The following ZDHHC15 variants were observed in gnomAD, a reference collection of about 807,000 sequenced individuals.
ZDHHC15 encodes the protein zDHHC palmitoyltransferase 15.
In ZDHHC15, 19 loss-of-function variants were observed where a neutral mutation model predicts 31.7. That is an observed-to-expected ratio of 0.60 (90% CI 0.42 to 0.88). The LOEUF (loss-of-function observed/expected upper bound fraction) is 0.88. ZDHHC15 is among the 40% of genes least tolerant of loss of function. The probability of loss-of-function intolerance (pLI) is 0.00; values close to 1 mark genes in which losing one functional copy is unlikely to be tolerated. For synonymous variants in ZDHHC15, 103 were observed against 90.0 expected (o/e 1.14, Z -0.82); for missense variants, 209 against 251.2 (o/e 0.83, Z 1.14).
intron 9 of ZDHHC15, among the ~76,000 whole-genome samples, chrX:75,419,394 A>T (rs1216999072): frequency 8.9e-6 from 1 of 112,034 alleles, no homozygotes; most frequent in African/African-American, 3.2e-5. Flanking sequence ...TCAAAACCAC[A>T]ATGAGTACCA....
At position 75,437,609 on chromosome X, in the gene ZDHHC15, T is replaced by C. The variant is rs753328910; in HGVS notation, c.380-6089A>G. On this transcript the variant is annotated intron_variant, in intron 4 of 11. Transcript: ENST00000373367. ...ATTTCATCCATGTCCCTACAAAGGA[T>C]ATGAACTCATCATTTTTTATGGCTG... Among the ~76,000 whole-genome samples, 572 of 103,976 alleles carry C rather than the reference T, an allele frequency of 5.5e-3. 5 individuals are homozygous for C. Among genetic ancestry groups the C allele is most frequent in the African/African-American group, 0.019 (523 of 28,171 alleles). 90.3% of individuals were successfully genotyped at this position (103,976 alleles called of 115,157 possible).
rs763761346 is a variant in ZDHHC15 at position 75,502,685 on chromosome X, A to G, written c.163+3136T>C. Among the ~76,000 whole-genome samples, 8 of 110,867 alleles carry G rather than the reference A, an allele frequency of 7.2e-5. No individual in the cohort carries two copies. The South Asian group carries it at 2.3e-3, about 32-fold the overall frequency. ...TCATTCCTAAATTTATCTCTTAATC[A>G]TCACCTCATCCCTGGACTCTACTAA... On this transcript the variant is annotated intron_variant, in intron 2 of 11. Transcript: ENST00000373367.
At chrX:75,481,591 G>A (rs746350568) in intron 2 of ZDHHC15, among the ~76,000 whole-genome samples, 1 of 111,757 alleles carries the variant, frequency 8.9e-6, no homozygotes, top group African/African-American at 3.3e-5. Flanking sequence ...TCTATAAACC[G>A]GTAAAATAGG....
At position 75,450,876 on chromosome X, in the gene ZDHHC15, C is replaced by T. The variant is rs775570770; in HGVS notation, c.305G>A (p.Arg102Lys). Residue 102 changes from arginine to lysine, a missense_variant, in exon 4 of 12, where the codon AGA becomes AAA. Transcript: ENST00000373367. ...TDKERYENEE[R>K]PEVQKQMLVD... Reference sequence around the variant, plus strand: ...AAGCATCTGCTTCTGGACCTCAGGTCTTTCTTCATTTTCATAGCGCTCCTT... The same window carrying T: ...AAGCATCTGCTTCTGGACCTCAGGTTTTTCTTCATTTTCATAGCGCTCCTT... 19 of 1,210,701 alleles carry T rather than the reference C, an allele frequency of 1.6e-5. No homozygotes were observed. The highest frequency in any genetic ancestry group is 2.1e-5 in the Non-Finnish European group (19 of 894,933).
intron 4 of ZDHHC15, among the ~76,000 whole-genome samples, chrX:75,438,532 A>G (rs2083894624): frequency 9.0e-6 from 1 of 111,152 alleles, no homozygotes; most frequent in Admixed American, 9.6e-5. Context: ...TCACTCCTGT[A>G]CCTTAAGTTT....
At chrX:75,426,270 T>A (rs1569323063) in intron 7 of ZDHHC15, among the ~76,000 whole-genome samples, 1 of 111,698 alleles carries the variant, frequency 9.0e-6, no homozygotes, top group Non-Finnish European at 1.9e-5. Flanking sequence ...GTTTCACATA[T>A]AAATGGATAG....
At chrX:75,462,701 C>A (rs2084338011) in intron 3 of ZDHHC15, among the ~76,000 whole-genome samples, 2 of 111,646 alleles carry the variant, frequency 1.8e-5, no homozygotes, top group Admixed American at 1.9e-4. Context: ...AGACAGAAAT[C>A]AACAAGTTCT....
At position 75,445,543 on chromosome X, in the gene ZDHHC15, C is replaced by T. The variant is rs149962882; in HGVS notation, c.379+5259G>A. On this transcript the variant is annotated intron_variant, in intron 4 of 11. Transcript: ENST00000373367. ...ACAGATGAGTTCAGGAATTCCCAGC[C>T]AAAGTGGTAGATAAATGACCTGAAA... Among the ~76,000 whole-genome samples, 337 of 111,975 alleles carry T rather than the reference C, an allele frequency of 3.0e-3. 1 individual carries two copies. Among genetic ancestry groups the T allele is most frequent in the African/African-American group, 9.8e-3 (303 of 30,864 alleles).
intron 10 of ZDHHC15, among the ~76,000 whole-genome samples, chrX:75,400,430 G>C (rs921703135): frequency 9.0e-6 from 1 of 111,342 alleles, no homozygotes; most frequent in Non-Finnish European, 1.9e-5. Flanking sequence ...GAAAAATAAA[G>C]AAAAAAGAAT....
At chrX:75,446,863 G>A (rs147705130) in intron 4 of ZDHHC15, among the ~76,000 whole-genome samples, 279 of 111,754 alleles carry the variant, frequency 2.5e-3, no homozygotes, top group African/African-American at 8.4e-3. Flanking sequence ...AAGACCTCAC[G>A]TCCTAATATC....
intron 10 of ZDHHC15, among the ~76,000 whole-genome samples, chrX:75,403,946 T>G (rs2083383934): frequency 9.0e-6 from 1 of 111,655 alleles, no homozygotes; most frequent in Non-Finnish European, 1.9e-5. Flanking sequence ...AGAACAAAGC[T>G]GGAGGAATCA....
chrX:75,473,570 G>T (rs2147964435), intron 3 of ZDHHC15, among the ~76,000 whole-genome samples: 1 of 111,213 alleles, frequency 9.0e-6, no homozygotes, highest in African/African-American at 3.3e-5. Context: ...AAGTCAACAA[G>T]CTAAGAATGG....
chrX:75,379,282 G>A, intron 10 of ZDHHC15, 84 bp from the exon 11 acceptor site: 2 of 1,023,526 alleles, frequency 2.0e-6, no homozygotes, highest in Admixed American at 2.2e-5. Flanking sequence ...TTTCCTTCTT[G>A]TTCAATCTCT....
At chrX:75,503,641 T>C (rs2085118469) in intron 2 of ZDHHC15, among the ~76,000 whole-genome samples, 1 of 110,983 alleles carries the variant, frequency 9.0e-6, no homozygotes, top group African/African-American at 3.3e-5. Context: ...TGATCCGAGG[T>C]AGATCTAACA....
intron 3 of ZDHHC15, among the ~76,000 whole-genome samples, chrX:75,454,586 C>A (rs1202423102): frequency 9.0e-6 from 1 of 111,192 alleles, no homozygotes; most frequent in Non-Finnish European, 1.9e-5. Context: ...CACATCCTCT[C>A]CAGCACCTGT....
chrX:75,492,875 G>C (rs2084922497), intron 2 of ZDHHC15, among the ~76,000 whole-genome samples: 2 of 111,510 alleles, frequency 1.8e-5, no homozygotes, highest in African/African-American at 6.5e-5. Flanking sequence ...AAAAGAACTA[G>C]AGAAGCAAGA....
At chrX:75,516,525 C>T (rs1338675797) in intron 1 of ZDHHC15, among the ~76,000 whole-genome samples, 1 of 112,350 alleles carries the variant, frequency 8.9e-6, no homozygotes, top group Non-Finnish European at 1.9e-5. Flanking sequence ...GGAAAACTGG[C>T]TAGCCAGATG....
intron 2 of ZDHHC15, among the ~76,000 whole-genome samples, chrX:75,491,950 T>A (rs970259158): frequency 1.8e-5 from 2 of 111,420 alleles, no homozygotes; most frequent in Admixed American, 1.9e-4. Flanking sequence ...AATATTAACC[T>A]TAAATGTAAA....
At chrX:75,384,491 A>G (rs1405878332) in intron 10 of ZDHHC15, 11 of 727,796 alleles carry the variant, frequency 1.5e-5, no homozygotes, top group Non-Finnish European at 2.4e-5. Flanking sequence ...GGTACTGTTC[A>G]AAAAGGAATG....
Sources: allele counts gnomAD v4.1 joint callset (sites outside exome capture counted in the v4.1 genomes callset), GRCh38; gene constraint gnomAD v4.1.1; transcripts MANE v1.5; gene names NCBI Gene and HGNC (gene_info 2026-07-23, HGNC 2026-07-21).